The following SECISBP2 variants were observed in gnomAD, a reference collection of about 807,000 sequenced individuals.
SECISBP2 encodes the protein selenocysteine insertion sequence-binding protein 2.
In SECISBP2, 96 loss-of-function variants were observed where a neutral mutation model predicts 98.2. The ratio of observed to expected loss-of-function variants is 0.98; its 90% CI spans 0.83 to 1.16. SECISBP2 has a LOEUF of 1.16. Among genes scored for constraint, SECISBP2 ranks in the 50% most tolerant of loss-of-function variants. SECISBP2 has a pLI of 0.00. For missense variants in SECISBP2, 1,046 were observed against 1,022.9 expected (o/e 1.02, Z -0.31); for synonymous variants, 407 against 370.2 (o/e 1.10, Z -1.14).
downstream of SECISBP2, chr9:89,364,027 G>T (rs372683106): frequency 1.2e-6 from 2 of 1,612,110 alleles, no homozygotes; most frequent in Admixed American, 1.7e-5. Context: ...GTGCAGGGGG[G>T]TTACCTCTGC....
rs1366383717 is a variant in SECISBP2 at position 89,319,657 on chromosome 9, C to T, written c.42C>T (p.Ile14=). ...AACCTCATATTTTTCCTCAGGGCATCAAGTTATCAGCAGATGTCAAACCAT... is the reference window on the plus strand; with the variant it reads ...AACCTCATATTTTTCCTCAGGGCATTAAGTTATCAGCAGATGTCAAACCAT... ...EGPREPESEG[I]KLSADVKPFV... is the part of the protein sequence containing the mutation. The change falls in exon 2 of 17, where the codon ATC becomes ATT. Residue 14 remains isoleucine (I), a synonymous_variant. Transcript: ENST00000375807. The T allele has an allele frequency of 1.1e-5, 17 of 1,614,032 alleles. No homozygotes were observed. In the East Asian group the frequency reaches 3.6e-4, roughly 34 times the overall value.
chr9:89,342,734 A>G lies in SECISBP2; in HGVS notation c.1435+1255A>G, dbSNP rs543992171. On this transcript the variant is annotated intron_variant, in intron 10 of 16. Transcript: ENST00000375807. ...CTGGAATAGGCAAATTCATAAAAGC[A>G]TAGATTAGAGGATACCTGGGGCTGA... 2.6e-5 allele frequency among the ~76,000 whole-genome samples: 4 copies of G among 152,360 alleles called. No individual in the cohort carries two copies. In the Middle Eastern group the frequency reaches 0.01, roughly 389 times the overall value.
intron 8 of SECISBP2, 104 bp downstream of exon 8, chr9:89,338,684 T>G: frequency 3.3e-6 from 4 of 1,212,086 alleles, no homozygotes; most frequent in Non-Finnish European, 3.5e-6. Context: ...CTCCAGGGCT[T>G]TTTAATGATC....
In SECISBP2 at chr9:89,325,232, A is replaced by G; in HGVS notation, c.183-195A>G. Reference sequence around the variant, plus strand: ...ACTTCCAGCTCATTAGTGAAAAAATAGAGTCAACATCTTTCTTTGCAGGGT... The same window carrying G: ...ACTTCCAGCTCATTAGTGAAAAAATGGAGTCAACATCTTTCTTTGCAGGGT... On this transcript the variant is annotated intron_variant, in intron 2 of 16. Transcript: ENST00000375807. The G allele has an allele frequency of 6.7e-6, 4 of 599,464 alleles. No homozygotes were observed. In the African/African-American group the frequency reaches 7.4e-5, roughly 11 times the overall value. The allele number at this position is 599,464 out of a possible 1,614,324, so 37.1% of individuals were successfully genotyped here. A position where few individuals can be genotyped will look rare whatever the true frequency, so the allele number is the denominator to read the frequency against.
downstream of SECISBP2, chr9:89,364,057 G>A: frequency 1.2e-6 from 2 of 1,600,230 alleles, no homozygotes; most frequent in South Asian, 1.1e-5. Flanking sequence ...TGGACCTGAA[G>A]TGACTTGGGA....
intron 7 of SECISBP2, among the ~76,000 whole-genome samples, chr9:89,335,053 G>A (rs1215188174): frequency 6.6e-6 from 1 of 151,834 alleles, no homozygotes; most frequent in Non-Finnish European, 1.5e-5. Flanking sequence ...TCTCTACTAA[G>A]AAATACAAAC....
At chr9:89,349,660 A>C in intron 12 of SECISBP2, 116 bp from the exon 13 acceptor site, 1 of 1,080,006 alleles carries the variant, frequency 9.3e-7, no homozygotes, top group Non-Finnish European at 1.4e-6. Flanking sequence ...GTTGTCTGTG[A>C]ATGTGGTGGT....
At chr9:89,319,218 C>G (rs918753439) in intron 1 of SECISBP2, among the ~76,000 whole-genome samples, 1 of 152,094 alleles carries the variant, frequency 6.6e-6, no homozygotes, top group Non-Finnish European at 1.5e-5. Flanking sequence ...AATGCATATG[C>G]TTTTGTGCAA....
Position 89,358,883 on chromosome 9 carries a change from G to C in SECISBP2, c.*59G>C. On this transcript the variant is annotated 3_prime_UTR_variant, in exon 17 of 17. Coordinates refer to ENST00000375807, the MANE Select transcript of SECISBP2 (RefSeq NM_024077.5). ...GGAGGGGAGGTCTGAAAAAGACTTTGGGGCTTTTTCTTCTGTTTTTCATGA... is the reference window on the plus strand; with the variant it reads ...GGAGGGGAGGTCTGAAAAAGACTTTCGGGCTTTTTCTTCTGTTTTTCATGA... 9.6e-7 allele frequency: 1 copy of C among 1,037,364 alleles called. No individual in the cohort carries two copies. Among genetic ancestry groups the C allele is most frequent in the Non-Finnish European group, 1.5e-6 (1 of 668,426 alleles). The allele number at this position is 1,037,364 out of a possible 1,614,324, so 64.3% of individuals were successfully genotyped here.
intron 14 of SECISBP2, among the ~76,000 whole-genome samples, chr9:89,353,220 A>G (rs954901788): frequency 2.6e-5 from 4 of 152,176 alleles, no homozygotes; most frequent in African/African-American, 9.7e-5. Flanking sequence ...GCAAGTTCCC[A>G]GGTGCTGTTG....
chr9:89,351,790 T>A lies in SECISBP2; in HGVS notation c.2113+938T>A, dbSNP rs138420130. On this transcript the variant is annotated intron_variant, in intron 14 of 16. Transcript: ENST00000375807. ...GCTGACCAGAATATGACAGAAGGGATCTCAGTGACCCACTCATCTGATTGT... is the reference window on the plus strand; with the variant it reads ...GCTGACCAGAATATGACAGAAGGGAACTCAGTGACCCACTCATCTGATTGT... 4.9e-4 allele frequency among the ~76,000 whole-genome samples: 75 copies of A among 152,274 alleles called. 1 individual carries two copies. The East Asian group carries it at 0.014, about 28-fold the overall frequency.
intron 2 of SECISBP2, chr9:89,325,014 G>A: frequency 3.6e-6 from 1 of 281,328 alleles, no homozygotes; most frequent in Non-Finnish European, 6.8e-6. Context: ...TTGGAGCAGG[G>A]AAGGGCTGGA....
intron 2 of SECISBP2, chr9:89,323,589 G>C (rs74458996): frequency 0.025 from 3,810 of 152,616 alleles, 162 homozygotes; most frequent in East Asian, 0.16. Flanking sequence ...CAGGAGACCA[G>C]CAGGTATTGC....
chr9:89,338,615 T>C (rs559092304), intron 8 of SECISBP2, 35 bp downstream of exon 8: 40 of 1,600,030 alleles, frequency 2.5e-5, no homozygotes, highest in African/African-American at 2.2e-4. Context: ...TGGTGTGATA[T>C]AATAAGTGGG....
chr9:89,325,755 AC>A, intron 3 of SECISBP2, 79 bp downstream of exon 3: 1 of 1,598,632 alleles, frequency 6.3e-7, no homozygotes, highest in South Asian at 1.1e-5. Flanking sequence ...GTAAATTTGT[AC>A]ATCATATTTA....
intron 1 of SECISBP2, chr9:89,318,999 G>A: frequency 9.5e-7 from 1 of 1,055,076 alleles, no homozygotes; most frequent in Admixed American, 5.4e-5. Flanking sequence ...TACGTACTCA[G>A]CATTACCACT....
chr9:89,325,124 G>A (rs1826465093), intron 2 of SECISBP2: 1 of 389,998 alleles, frequency 2.6e-6, no homozygotes, highest in Non-Finnish European at 4.7e-6. Flanking sequence ...CAGGGTTGCT[G>A]GGAGAGGCTT....
At chr9:89,352,679 G>C (rs1402131519) in intron 14 of SECISBP2, among the ~76,000 whole-genome samples, 2 of 152,124 alleles carry the variant, frequency 1.3e-5, no homozygotes, top group Non-Finnish European at 2.9e-5. Flanking sequence ...TCCTGGACTG[G>C]TGTCCTCACA....
intron 7 of SECISBP2, among the ~76,000 whole-genome samples, chr9:89,335,711 T>C (rs1343299276): frequency 6.6e-6 from 1 of 152,256 alleles, no homozygotes; most frequent in African/African-American, 2.4e-5. Flanking sequence ...TCTGAGTTTA[T>C]TGTACTTACA....
Sources: allele counts gnomAD v4.1 joint callset (sites outside exome capture counted in the v4.1 genomes callset), GRCh38; gene constraint gnomAD v4.1.1; transcripts MANE v1.5; gene names NCBI Gene and HGNC (gene_info 2026-07-23, HGNC 2026-07-21).